The following EIPR1 variants were observed in gnomAD, a reference collection of about 807,000 sequenced individuals.
EIPR1 encodes the protein EARP complex and GARP complex interacting protein 1.
EIPR1 carries 25 observed loss-of-function variants against 48.1 expected under a neutral mutation model. The ratio of observed to expected loss-of-function variants is 0.52; its 90% CI spans 0.38 to 0.73. The LOEUF is 0.73. Among genes scored for constraint, EIPR1 ranks in the 30% least tolerant of loss-of-function variants. The pLI, the probability that EIPR1 is intolerant of heterozygous loss-of-function variation, is 0.00. For missense variants in EIPR1, 415 were observed against 506.2 expected (o/e 0.82, Z 1.73); for synonymous variants, 204 against 201.9 (o/e 1.01, Z -0.09).
intron 3 of EIPR1, among the ~76,000 whole-genome samples, chr2:3,308,668 T>C (rs1669027147): frequency 6.6e-6 from 1 of 151,994 alleles, no homozygotes; most frequent in African/African-American, 2.4e-5. Flanking sequence ...CCTGAGAAAA[T>C]CTCAAGTAGC....
intron 3 of EIPR1, chr2:3,282,943 G>C (rs1668059623): frequency 6.6e-6 from 1 of 152,284 alleles, no homozygotes; most frequent in Non-Finnish European, 1.5e-5. Flanking sequence ...ACTATTTTTA[G>C]ACAATGCCTG....
At position 3,322,365 on chromosome 2, in the gene EIPR1, G is replaced by C. The variant is rs189695294; in HGVS notation, c.259+15652C>G. Reference sequence around the variant, plus strand: ...TCCTGAGTACTTACTGTTTTGTCTCGATCACAACAAAAGCTCAAAAAATGT... The same window carrying C: ...TCCTGAGTACTTACTGTTTTGTCTCCATCACAACAAAAGCTCAAAAAATGT... On this transcript the variant is annotated intron_variant, in intron 3 of 8. Coordinates refer to ENST00000382125, the MANE Select transcript of EIPR1 (RefSeq NM_003310.5). Among the ~76,000 whole-genome samples the C allele has an allele frequency of 5.1e-4, 77 of 152,256 alleles. No individual in the cohort carries two copies. The Middle Eastern group carries it at 0.014, about 27-fold the overall frequency.
At chr2:3,264,726 G>T (rs539247326) in intron 3 of EIPR1, among the ~76,000 whole-genome samples, 2 of 152,104 alleles carry the variant, frequency 1.3e-5, no homozygotes, top group Non-Finnish European at 2.9e-5. Flanking sequence ...ACCGAGTCTC[G>T]CTCTGTCACC....
At chr2:3,310,672 A>C (rs1310820951) in intron 3 of EIPR1, among the ~76,000 whole-genome samples, 2 of 151,270 alleles carry the variant, frequency 1.3e-5, no homozygotes, top group East Asian at 3.9e-4. Context: ...AAAAAAAAAA[A>C]AAAGTCTTGA....
chr2:3,252,311 C>T (rs1411744170), intron 4 of EIPR1, among the ~76,000 whole-genome samples: 1 of 152,040 alleles, frequency 6.6e-6, no homozygotes, highest in African/African-American at 2.4e-5. Flanking sequence ...GCAAAACGGG[C>T]CACGTGCAAC....
chr2:3,352,739 G>A (rs796512648), intron 2 of EIPR1, among the ~76,000 whole-genome samples: 22 of 152,378 alleles, frequency 1.4e-4, no homozygotes, highest in African/African-American at 5.0e-4. Context: ...GCTCACGCCT[G>A]TAATCCCAAC....
rs55920666 is a variant in EIPR1, at chr2:3,228,178, T to A, written c.417-13930A>T. Among the ~76,000 whole-genome samples the A allele has an allele frequency of 4.5e-3, 679 of 152,348 alleles. 3 individuals carry two copies. The highest frequency in any genetic ancestry group is 7.7e-3 in the Non-Finnish European group (526 of 68,030). ...AATGCCGGCCCATGAAAGCAGCCAG[T>A]CGGGTGTACCCTGTGAAGCCACAGT... On this transcript the variant is annotated intron_variant, in intron 4 of 8. Transcript: ENST00000382125.
chr2:3,333,470 G>A (rs1353641227), intron 3 of EIPR1, among the ~76,000 whole-genome samples: 1 of 152,096 alleles, frequency 6.6e-6, no homozygotes. Context: ...AGGTGTGGTG[G>A]CTCACAGCTG....
At chr2:3,314,870 G>A (rs1669237794) in intron 3 of EIPR1, among the ~76,000 whole-genome samples, 1 of 151,816 alleles carries the variant, frequency 6.6e-6, no homozygotes, top group Admixed American at 6.6e-5. Context: ...CACGGGCTCT[G>A]CCTGGTGACC....
At chr2:3,285,905 A>G (rs1007480363) in intron 3 of EIPR1, among the ~76,000 whole-genome samples, 2 of 148,086 alleles carry the variant, frequency 1.4e-5, no homozygotes, top group African/African-American at 5.0e-5. Flanking sequence ...GGACCCTCGC[A>G]TGGAGCAGAA....
At chr2:3,198,375 G>A (rs147522276) in intron 5 of EIPR1, among the ~76,000 whole-genome samples, 49 of 152,314 alleles carry the variant, frequency 3.2e-4, no homozygotes, top group African/African-American at 1.0e-3. Flanking sequence ...CGAGAAAGGC[G>A]GTCATCAGTG....
intron 3 of EIPR1, chr2:3,318,714 GT>G (rs763366050): frequency 1.1e-4 from 44 of 388,936 alleles, no homozygotes; most frequent in Non-Finnish European, 2.2e-4. Context: ...GCTCAGCTCT[GT>G]CCCGGCAATC....
intron 3 of EIPR1, among the ~76,000 whole-genome samples, chr2:3,311,910 G>T (rs117538194): frequency 6.6e-6 from 1 of 152,170 alleles, no homozygotes; most frequent in African/African-American, 2.4e-5. Context: ...GTGCAGTGTC[G>T]GGGTTGTCCC....
chr2:3,308,158 C>T (rs549303652), intron 3 of EIPR1, among the ~76,000 whole-genome samples: 25 of 152,298 alleles, frequency 1.6e-4, no homozygotes, highest in Middle Eastern at 3.4e-3. Flanking sequence ...CCACTGGAAA[C>T]ACAGCCCGTG....
At chr2:3,196,736 G>C in intron 6 of EIPR1, 145 bp downstream of exon 6, 7 of 1,272,842 alleles carry the variant, frequency 5.5e-6, no homozygotes, top group Non-Finnish European at 7.4e-6. Flanking sequence ...ACAAGATGAA[G>C]ATTTATGATT....
chr2:3,375,649 G>A (rs571534804), intron 1 of EIPR1, among the ~76,000 whole-genome samples: 9 of 152,268 alleles, frequency 5.9e-5, no homozygotes, highest in African/African-American at 2.2e-4. Context: ...AAGGGGACTC[G>A]AGGTCAGTTT....
Position 3,315,032 on chromosome 2 carries a change from A to G in EIPR1, c.259+22985T>C, listed in dbSNP as rs1313474667. Among the ~76,000 whole-genome samples, 5 of 150,056 alleles carry G rather than the reference A, an allele frequency of 3.3e-5. No homozygotes were observed. In the East Asian group the frequency reaches 6.0e-4, roughly 18 times the overall value. ...GTGCTGCACTTACTCACATGTCCCC[A>G]CCATCACCCGCCACCCGCCCCCAAC... On this transcript the variant is annotated intron_variant, in intron 3 of 8. Coordinates refer to ENST00000382125, the MANE Select transcript of EIPR1 (RefSeq NM_003310.5).
At chr2:3,202,745 T>C (rs1285953097) in intron 5 of EIPR1, among the ~76,000 whole-genome samples, 2 of 152,212 alleles carry the variant, frequency 1.3e-5, no homozygotes, top group Non-Finnish European at 2.9e-5. Context: ...AAGTGCTCCT[T>C]GCAGAAGTTC....
At chr2:3,201,308 GC>G (rs1464397845) in intron 5 of EIPR1, among the ~76,000 whole-genome samples, 3 of 152,210 alleles carry the variant, frequency 2.0e-5, no homozygotes, top group African/African-American at 7.2e-5. Context: ...GCACAGCCGG[GC>G]CAGGCACTCG....
Sources: allele counts gnomAD v4.1 joint callset (sites outside exome capture counted in the v4.1 genomes callset), GRCh38; gene constraint gnomAD v4.1.1; transcripts MANE v1.5; gene names NCBI Gene and HGNC (gene_info 2026-07-23, HGNC 2026-07-21).